Variants in PCNT observed in about 807,000 individuals in gnomAD.
PCNT encodes kendrin.
PCNT carries 319 observed loss-of-function variants against 380.4 expected under a neutral mutation model. The observed-to-expected ratio is 0.84, with a 90% confidence interval of 0.77 to 0.92. The LOEUF is 0.92. Ranked by LOEUF, PCNT falls within the 40% of genes least tolerant of loss-of-function variation. The pLI, the probability that PCNT is intolerant of heterozygous loss-of-function variation, is 0.00. For synonymous variants in PCNT, 1,845 were observed against 1,735.2 expected (o/e 1.06, Z -1.57); for missense variants, 4,400 against 4,255.3 (o/e 1.03, Z -0.95).
At position 46,399,640 on chromosome 21, in the gene PCNT, A is replaced by G; in HGVS notation, c.4635A>G (p.Glu1545=). The G allele has an allele frequency of 1.2e-6, 2 of 1,614,038 alleles. No homozygotes were observed. Among genetic ancestry groups the G allele is most frequent in the Non-Finnish European group, 8.5e-7 (1 of 1,179,874 alleles). The change falls in exon 25 of 47, where the codon GAA becomes GAG. Residue 1545 remains glutamate, a synonymous_variant. Transcript: ENST00000359568. The stretch of plus-strand genomic sequence containing the variant: ...GAGAAAAGTTGGATGAATTTAATGA[A>G]TTGGCTATACAGAAAGAGTCGGCAG... ...KLREKLDEFN[E]LAIQKESADR...
At chr21:46,332,832 G>A (rs1353855792) in intron 2 of PCNT, among the ~76,000 whole-genome samples, 1 of 152,208 alleles carries the variant, frequency 6.6e-6, no homozygotes, top group Non-Finnish European at 1.5e-5. Context: ...AGCTAATCTG[G>A]GCACTGTGGC....
chr21:46,392,936 G>T (rs1284498808), intron 21 of PCNT, among the ~76,000 whole-genome samples: 1 of 152,142 alleles, frequency 6.6e-6, no homozygotes, highest in African/African-American at 2.4e-5. Flanking sequence ...TGCCTTGTAT[G>T]GATACCATAT....
At position 46,397,113 on chromosome 21, in the gene PCNT, A is replaced by G. The variant is rs17298556; in HGVS notation, c.4217-152A>G. The G allele has an allele frequency of 0.049, 34,021 of 691,988 alleles. 1,085 individuals carry two copies. The highest frequency in any genetic ancestry group is 0.061 in the Non-Finnish European group (23,444 of 381,612). 42.9% of individuals were successfully genotyped at this position (691,988 alleles called of 1,614,324 possible). On this transcript the variant is annotated intron_variant, in intron 21 of 46. Transcript: ENST00000359568. ...AGGCTTCAGAAATTTGCTTTAGCCA[A>G]TGTTGTTTTAAAAGATGGGCGTTTT...
At chr21:46,380,094 C>T (rs979784816) in intron 15 of PCNT, among the ~76,000 whole-genome samples, 4 of 145,208 alleles carry the variant, frequency 2.8e-5, no homozygotes, top group Non-Finnish European at 4.5e-5. Context: ...GTGGGCAGTG[C>T]GGCTATTAAA....
In PCNT at chr21:46,436,178, G is replaced by C. The variant is rs1460890759; in HGVS notation, c.8996+30G>C. 6.9e-6 allele frequency: 11 copies of C among 1,600,606 alleles called. No individual in the cohort carries two copies. In the African/African-American group the frequency reaches 1.1e-4, roughly 16 times the overall value. ...GCACCCACGCCACCTGGCGCTCACT[G>C]GTCCCTTGCAGCCACCCCTCTGTCC... On this transcript the variant is annotated intron_variant, in intron 39 of 46. Transcript: ENST00000359568.
chr21:46,434,614 C>T (rs1353852160), intron 38 of PCNT, among the ~76,000 whole-genome samples: 1 of 152,240 alleles, frequency 6.6e-6, no homozygotes, highest in East Asian at 1.9e-4. Flanking sequence ...GGAGTCGGGC[C>T]CTGGGCAGGG....
At chr21:46,418,602 G>A (rs2087122849) in intron 31 of PCNT, among the ~76,000 whole-genome samples, 1 of 152,342 alleles carries the variant, frequency 6.6e-6, no homozygotes, top group East Asian at 1.9e-4. Flanking sequence ...TTCACCCATT[G>A]TCCCAGTAGT....
chr21:46,341,322 C>A (rs2083905087), intron 3 of PCNT, among the ~76,000 whole-genome samples: 1 of 151,874 alleles, frequency 6.6e-6, no homozygotes, highest in South Asian at 2.1e-4. Context: ...CGTTATTCCG[C>A]TTGGAGTAGC....
At chr21:46,375,620 G>A (rs2085308697) in intron 15 of PCNT, among the ~76,000 whole-genome samples, 1 of 152,154 alleles carries the variant, frequency 6.6e-6, no homozygotes, top group Non-Finnish European at 1.5e-5. Flanking sequence ...CGGTCAGATT[G>A]AGGGGGTGGC....
At chr21:46,431,460 G>T in intron 37 of PCNT, 69 bp from the exon 38 acceptor site, 1 of 1,612,514 alleles carries the variant, frequency 6.2e-7, no homozygotes, top group Non-Finnish European at 8.5e-7. Flanking sequence ...AACAAATGTG[G>T]ACAGGAAAAC....
chr21:46,436,216 G>T, intron 39 of PCNT, 68 bp downstream of exon 39: 2 of 1,573,394 alleles, frequency 1.3e-6, no homozygotes, highest in East Asian at 2.3e-5. Context: ...GACCCGGCCC[G>T]AGGGCTGGGG....
In PCNT at chr21:46,433,716, T is replaced by C. The variant is rs542910091; in HGVS notation, c.8751+1501T>C. Among the ~76,000 whole-genome samples, 3 of 152,348 alleles carry C rather than the reference T, an allele frequency of 2.0e-5. No individual in the cohort carries two copies. In the South Asian group the frequency reaches 6.2e-4, roughly 32 times the overall value. On this transcript the variant is annotated intron_variant, in intron 38 of 46. Transcript: ENST00000359568. ...AGAAAATATTTTCTAAGTTGCTTGCTTCAGGATGCATCTTGACCTGTATTT... is the reference window on the plus strand; with the variant it reads ...AGAAAATATTTTCTAAGTTGCTTGCCTCAGGATGCATCTTGACCTGTATTT...
chr21:46,417,184 C>CTTTTTTT (rs71318076), intron 30 of PCNT, among the ~76,000 whole-genome samples: 72 of 73,348 alleles, frequency 9.8e-4, no homozygotes, highest in East Asian at 2.2e-3. Context: ...GGAATGCTTC[C>CTTTTTTT]TTTTTTTTTT....
At chr21:46,412,289 T>C (rs1288180418) in intron 28 of PCNT, among the ~76,000 whole-genome samples, 4 of 152,230 alleles carry the variant, frequency 2.6e-5, no homozygotes, top group Non-Finnish European at 4.4e-5. Flanking sequence ...TGTACCATTT[T>C]AAGCTTATCG....
In PCNT at chr21:46,380,223, G is replaced by A. The variant is rs376784962; in HGVS notation, c.3166-1471G>A. On this transcript the variant is annotated intron_variant, in intron 15 of 46. Coordinates refer to ENST00000359568, the MANE Select transcript of PCNT (RefSeq NM_006031.6). ...GTCGCCCAGGCTAGAGTGCAGTGGC[G>A]CAATCTAGGCTCACTGCAAGCTCTG... 1.5e-4 allele frequency among the ~76,000 whole-genome samples: 19 copies of A among 127,338 alleles called. 1 individual carries two copies. The highest frequency in any genetic ancestry group is 3.3e-4 in the African/African-American group (11 of 33,018). The allele number at this position is 127,338 out of a possible 152,430, so 83.5% of individuals were successfully genotyped here.
At chr21:46,363,432 C>G (rs927524676) in intron 13 of PCNT, 48 bp from the exon 14 acceptor site, 1 of 1,481,006 alleles carries the variant, frequency 6.8e-7, no homozygotes. Flanking sequence ...TTCTAATAAT[C>G]TCTTCCATTA....
chr21:46,379,206 T>C (rs1183573613), intron 15 of PCNT, among the ~76,000 whole-genome samples: 1 of 152,202 alleles, frequency 6.6e-6, no homozygotes, highest in Admixed American at 6.5e-5. Flanking sequence ...CTGCGTGGGC[T>C]CTCCGCTGCC....
Position 46,431,928 on chromosome 21 carries a change from C to T in PCNT, c.8464C>T (p.Leu2822Phe), listed in dbSNP as rs752414633. The T allele has an allele frequency of 6.2e-7, 1 of 1,613,968 alleles. No individual in the cohort carries two copies. Among genetic ancestry groups the T allele is most frequent in the Non-Finnish European group, 8.5e-7 (1 of 1,180,050 alleles). ...GCAAGCCCTGCATTCTCAGCAGCAG[C>T]TTGAGGCTGAGGCTCAGAAGCACTG... is the stretch of plus-strand genomic sequence containing the variant. ...QQQALHSQQQ[L>F]EAEAQKHCEA... is the part of the protein sequence containing the mutation. The change falls in exon 38 of 47, where the codon CTT becomes TTT. Residue 2822 changes from leucine to phenylalanine, a missense_variant. Coordinates refer to ENST00000359568, the MANE Select transcript of PCNT (RefSeq NM_006031.6).
chr21:46,407,849 T>C (rs2086664620), intron 27 of PCNT, among the ~76,000 whole-genome samples: 2 of 152,198 alleles, frequency 1.3e-5, no homozygotes, highest in African/African-American at 2.4e-5. Flanking sequence ...CTGATACTTT[T>C]CTCTCTTTAT....
Sources: allele counts gnomAD v4.1 joint callset (sites outside exome capture counted in the v4.1 genomes callset), GRCh38; gene constraint gnomAD v4.1.1; transcripts MANE v1.5; gene names NCBI Gene and HGNC (gene_info 2026-07-23, HGNC 2026-07-21).